The following FNBP1 variants were observed in gnomAD, a reference collection of about 807,000 sequenced individuals.
The protein encoded by FNBP1 is formin binding protein 1.
A neutral mutation model predicts 90.6 loss-of-function variants in FNBP1; 26 were observed. The ratio of observed to expected loss-of-function variants is 0.29; its 90% CI spans 0.21 to 0.40. The LOEUF (loss-of-function observed/expected upper bound fraction) is 0.40, where lower values mean the gene tolerates loss of function less well. FNBP1 is among the 10% of genes least tolerant of loss of function. The pLI is 1.00. For synonymous variants in FNBP1, 260 were observed against 265.2 expected (o/e 0.98, Z 0.19); for missense variants, 635 against 768.0 (o/e 0.83, Z 2.05).
intron 2 of FNBP1, among the ~76,000 whole-genome samples, chr9:129,982,393 C>A (rs575435492): frequency 7.4e-4 from 112 of 152,170 alleles, no homozygotes; most frequent in African/African-American, 2.6e-3. Context: ...ATGGCTTGAA[C>A]CTGGGAGGCA....
At chr9:129,999,818 T>G (rs1218822216) in intron 1 of FNBP1, among the ~76,000 whole-genome samples, 1 of 152,180 alleles carries the variant, frequency 6.6e-6, no homozygotes, top group East Asian at 1.9e-4. Context: ...AATGGCACCG[T>G]GTTACATTTT....
intron 5 of FNBP1, among the ~76,000 whole-genome samples, chr9:129,958,225 A>G (rs1388436651): frequency 6.6e-6 from 1 of 152,116 alleles, no homozygotes; most frequent in Non-Finnish European, 1.5e-5. Flanking sequence ...TCAGGGCAGG[A>G]GTTCAAGACC....
At chr9:129,936,482 CA>C (rs1198419108) in intron 6 of FNBP1, 1 of 152,130 alleles carries the variant, frequency 6.6e-6, no homozygotes, top group Non-Finnish European at 1.5e-5. Context: ...CCCTCCTCCC[CA>C]AACTACCTGA....
In FNBP1 at chr9:129,889,775, A is replaced by G; in HGVS notation, c.*764T>C. The G allele has an allele frequency of 4.3e-6, 1 of 232,384 alleles. No individual in the cohort carries two copies. The highest frequency in any genetic ancestry group is 6.1e-5 in the East Asian group (1 of 16,484). 14.4% of individuals were successfully genotyped at this position (232,384 alleles called of 1,614,324 possible). A position where few individuals can be genotyped will look rare whatever the true frequency, so the allele number is the denominator to read the frequency against. ...CGTGGGCTCCTCATGGCCGGTGGAC[A>G]CAGGCGAGTCAACAAGGCGAGCTGG... On this transcript the variant is annotated 3_prime_UTR_variant, in exon 17 of 17. Coordinates refer to ENST00000446176, the MANE Select transcript of FNBP1 (RefSeq NM_015033.3).
chr9:130,037,774 A>G (rs572297085), intron 1 of FNBP1, among the ~76,000 whole-genome samples: 2 of 152,324 alleles, frequency 1.3e-5, no homozygotes, highest in East Asian at 3.9e-4. Context: ...CTAAAATTAT[A>G]TATATATTTT....
the FNBP1 span, among the ~76,000 whole-genome samples, chr9:130,048,540 G>A: frequency 2.8e-4 from 38 of 133,608 alleles, no homozygotes; most frequent in Non-Finnish European, 5.6e-4. Context: ...GTGCAGTGGC[G>A]CGATCTCAGC....
chr9:130,043,150 G>C lies in FNBP1; in HGVS notation c.-175C>G, dbSNP rs2059992739. On this transcript the variant is annotated 5_prime_UTR_variant, in exon 1 of 17. Coordinates refer to ENST00000446176, the MANE Select transcript of FNBP1 (RefSeq NM_015033.3). Reference sequence around the variant, plus strand: ...GTCTCCTCGGCGGCTCCTCCTCCCCGCCGCTCCACAGCAAAATGGCCCGAG... The same window carrying C: ...GTCTCCTCGGCGGCTCCTCCTCCCCCCCGCTCCACAGCAAAATGGCCCGAG... The C allele has an allele frequency of 9.1e-6, 4 of 438,344 alleles. No individual in the cohort carries two copies. Among genetic ancestry groups the C allele is most frequent in the Non-Finnish European group, 1.5e-5 (4 of 267,686 alleles). The allele number at this position is 438,344 out of a possible 1,614,324, so 27.2% of individuals were successfully genotyped here.
intron 11 of FNBP1, among the ~76,000 whole-genome samples, chr9:129,915,183 C>A (rs4836677): frequency 6.6e-6 from 1 of 151,738 alleles, no homozygotes; most frequent in African/African-American, 2.4e-5. Context: ...GTCTTCCATT[C>A]CCACAGGTGG....
At position 130,020,130 on chromosome 9, in the gene FNBP1, A is replaced by G. The variant is rs1201547055; in HGVS notation, c.24+22822T>C. On this transcript the variant is annotated intron_variant, in intron 1 of 16. Coordinates refer to ENST00000446176, the MANE Select transcript of FNBP1 (RefSeq NM_015033.3). ...AAAGCAGTGACTCTGCCTAGGAAACAATGTGAATGATGTTCATTTTCATAC... is the reference window on the plus strand; with the variant it reads ...AAAGCAGTGACTCTGCCTAGGAAACGATGTGAATGATGTTCATTTTCATAC... 2.0e-5 allele frequency among the ~76,000 whole-genome samples: 3 copies of G among 152,348 alleles called. No homozygotes were observed. The East Asian group carries it at 5.8e-4, about 29-fold the overall frequency.
intron 6 of FNBP1, among the ~76,000 whole-genome samples, chr9:129,951,016 G>A (rs974082700): frequency 4.2e-5 from 6 of 143,840 alleles, no homozygotes; most frequent in African/African-American, 1.6e-4. Flanking sequence ...CTGTCACCCA[G>A]GCTGGAGTGC....
intron 6 of FNBP1, among the ~76,000 whole-genome samples, chr9:129,944,699 C>T (rs1161757407): frequency 6.6e-6 from 1 of 152,184 alleles, no homozygotes; most frequent in African/African-American, 2.4e-5. Context: ...ATCACACCCA[C>T]TGAAACCTCA....
At chr9:129,892,949 A>C (rs1369989889) in intron 16 of FNBP1, among the ~76,000 whole-genome samples, 1 of 152,114 alleles carries the variant, frequency 6.6e-6, no homozygotes, top group Non-Finnish European at 1.5e-5. Context: ...AAATTTGAAT[A>C]ACGAAATAAA....
At chr9:129,998,767 C>T (rs1489753139) in intron 1 of FNBP1, among the ~76,000 whole-genome samples, 1 of 152,140 alleles carries the variant, frequency 6.6e-6, no homozygotes, top group Non-Finnish European at 1.5e-5. Flanking sequence ...AGAAAAAGCC[C>T]ATCTACATTT....
chr9:129,911,555 A>G (rs1295082203), intron 11 of FNBP1, among the ~76,000 whole-genome samples: 1 of 152,170 alleles, frequency 6.6e-6, no homozygotes, highest in East Asian at 1.9e-4. Context: ...CGGGGAGGGC[A>G]TGGATGCTCT....
chr9:129,949,728 CA>C (rs113422076), intron 6 of FNBP1, among the ~76,000 whole-genome samples: 21 of 141,178 alleles, frequency 1.5e-4, no homozygotes, highest in African/African-American at 2.3e-4. Flanking sequence ...ACAAACAAAA[CA>C]AAAAAAAAAA....
At chr9:129,959,212 A>T (rs1414709393) in intron 4 of FNBP1, among the ~76,000 whole-genome samples, 1 of 150,984 alleles carries the variant, frequency 6.6e-6, no homozygotes, top group Non-Finnish European at 1.5e-5. Context: ...TTGGAAGCTC[A>T]CCTAAGCCTG....
At chr9:129,942,558 ATCC>A (rs559330729) in intron 6 of FNBP1, among the ~76,000 whole-genome samples, 1 of 152,212 alleles carries the variant, frequency 6.6e-6, no homozygotes, top group South Asian at 2.1e-4. Context: ...ATTTAATACA[ATCC>A]AGTAGTAAAG....
chr9:129,907,422 G>T (rs2131491310), intron 12 of FNBP1, among the ~76,000 whole-genome samples: 1 of 152,296 alleles, frequency 6.6e-6, no homozygotes, highest in Non-Finnish European at 1.5e-5. Flanking sequence ...AACTGATAGA[G>T]CCAGATTTGA....
At chr9:129,905,312 A>ATATATATTTT in intron 12 of FNBP1, among the ~76,000 whole-genome samples, 1 of 146,416 alleles carries the variant, frequency 6.8e-6, no homozygotes, top group African/African-American at 2.5e-5. Flanking sequence ...ATATATATAT[A>ATATATATTTT]TTTTGTTAAT....
Sources: allele counts gnomAD v4.1 joint callset (sites outside exome capture counted in the v4.1 genomes callset), GRCh38; gene constraint gnomAD v4.1.1; transcripts MANE v1.5; gene names NCBI Gene and HGNC (gene_info 2026-07-23, HGNC 2026-07-21).